The following SENP8 variants were observed in gnomAD, a reference collection of about 807,000 sequenced individuals.
SENP8 encodes the protein sentrin-specific protease 8.
A neutral mutation model predicts 14.4 loss-of-function variants in SENP8; 10 were observed. The ratio of observed to expected loss-of-function variants is 0.69; its 90% CI spans 0.43 to 1.18. SENP8 has a LOEUF of 1.18. Among genes scored for constraint, SENP8 ranks in the 50% most tolerant of loss-of-function variants. The probability of loss-of-function intolerance (pLI) is 0.00; values close to 1 mark genes in which losing one functional copy is unlikely to be tolerated. For missense variants in SENP8, 202 were observed against 249.4 expected (o/e 0.81, Z 1.28); for synonymous variants, 94 against 95.5 (o/e 0.98, Z 0.09).
rs1567073355 is a variant in SENP8 at position 72,142,101 on chromosome 15, TAA to T, written c.*1840_*1841del. On this transcript the variant is annotated 3_prime_UTR_variant, in exon 2 of 2. Coordinates refer to ENST00000340912, the MANE Select transcript of SENP8 (RefSeq NM_145204.4). The stretch of plus-strand genomic sequence containing the variant: ...ACGATTCATCTTATAAGTAAATTTA[TAA>T]GTAAATTTTTAAACTACACTAGTCT... 1 of 152,182 alleles carries T rather than the reference TAA, an allele frequency of 6.6e-6. No homozygotes were observed. The highest frequency in any genetic ancestry group is 1.5e-5 in the Non-Finnish European group (1 of 68,030). The allele number at this position is 152,182 out of a possible 1,614,324, so 9.4% of individuals were successfully genotyped here.
At chr15:72,117,956 G>A (rs1029337960), upstream of SENP8, 57 of 400,972 alleles carry the variant, frequency 1.4e-4, no homozygotes, top group African/African-American at 1.0e-3. Context: ...CTCAACCGCT[G>A]CCAGCGGCCG....
upstream of SENP8, among the ~76,000 whole-genome samples, chr15:72,116,361 T>G (rs912240971): frequency 6.6e-6 from 1 of 152,250 alleles, no homozygotes; most frequent in African/African-American, 2.4e-5. Context: ...AATTACGTAC[T>G]GATCATTTGA....
chr15:72,140,254 A>G lies in SENP8; in HGVS notation c.631A>G (p.Lys211Glu), dbSNP rs2081368762. 6.2e-7 allele frequency: 1 copy of G among 1,610,582 alleles called. No individual in the cohort carries two copies. The highest frequency in any genetic ancestry group is 1.1e-5 in the South Asian group (1 of 90,672). Residue 211 changes from lysine to glutamate, a missense_variant, in exon 2 of 2, where the codon AAA becomes GAA. Lys to Glu is a moderately conservative substitution (Grantham distance 56). Coordinates refer to ENST00000340912, the MANE Select transcript of SENP8 (RefSeq NM_145204.4). ...EWKDLITTLAKK is the reference protein window; with the variant it reads ...EWKDLITTLAEK ...GAAAGATCTCATTACCACACTTGCT[A>G]AAAAGTAGCTATTGAAGTATATTTG...
chr15:72,134,572 C>T (rs921640056), intron 1 of SENP8: 3 of 159,454 alleles, frequency 1.9e-5, no homozygotes, highest in African/African-American at 4.8e-5. Flanking sequence ...GAGCGAAACC[C>T]TGTCTTTAAT....
intron 1 of SENP8, among the ~76,000 whole-genome samples, chr15:72,133,274 C>G (rs1353143691): frequency 6.6e-6 from 1 of 152,208 alleles, no homozygotes; most frequent in Non-Finnish European, 1.5e-5. Flanking sequence ...AAGCATTGAC[C>G]TGGCCATTAA....
At chr15:72,132,650 ATTC>A (rs1369199055) in intron 1 of SENP8, among the ~76,000 whole-genome samples, 1 of 147,032 alleles carries the variant, frequency 6.8e-6, no homozygotes, top group African/African-American at 2.5e-5. Context: ...CCATTTCATA[ATTC>A]TTTTTTTTTT....
intron 1 of SENP8, among the ~76,000 whole-genome samples, chr15:72,123,556 T>G (rs1272966696): frequency 2.6e-5 from 4 of 152,014 alleles, no homozygotes; most frequent in East Asian, 1.9e-4. Flanking sequence ...TTTTTTTTTT[T>G]TGTGATGGAG....
chr15:72,119,931 C>G (rs983693850), intron 1 of SENP8, among the ~76,000 whole-genome samples: 5 of 152,214 alleles, frequency 3.3e-5, no homozygotes, highest in Non-Finnish European at 7.3e-5. Flanking sequence ...AGTTACTTGT[C>G]TCTTTGCTCT....
intron 1 of SENP8, among the ~76,000 whole-genome samples, chr15:72,119,330 A>G (rs755108563): frequency 3.3e-5 from 5 of 152,216 alleles, no homozygotes; most frequent in Admixed American, 2.0e-4. Flanking sequence ...TAGACCAATT[A>G]AATTCTGGGT....
At chr15:72,116,114 A>T (rs1368281181), upstream of SENP8, among the ~76,000 whole-genome samples, 1 of 152,248 alleles carries the variant, frequency 6.6e-6, no homozygotes, top group Non-Finnish European at 1.5e-5. Context: ...TATCACAGAA[A>T]GGATACACAT....
Position 72,142,733 on chromosome 15 carries a change from A to C in SENP8, c.*2471A>C, listed in dbSNP as rs1377719281. On this transcript the variant is annotated 3_prime_UTR_variant, in exon 2 of 2. Transcript: ENST00000340912. ...AACACAAATATTTCAACCATTTGGC[A>C]AGGTATATGTTGAAGTTCACAAGCG... The C allele has an allele frequency of 6.6e-6, 1 of 152,246 alleles. No individual in the cohort carries two copies. Among genetic ancestry groups the C allele is most frequent in the African/African-American group, 2.4e-5 (1 of 41,464 alleles). 9.4% of individuals were successfully genotyped at this position (152,246 alleles called of 1,614,324 possible).
chr15:72,140,129 G>C lies in SENP8; in HGVS notation c.506G>C (p.Cys169Ser). The C allele has an allele frequency of 1.9e-6, 3 of 1,614,154 alleles. No individual in the cohort carries two copies. Among genetic ancestry groups the C allele is most frequent in the Non-Finnish European group, 2.5e-6 (3 of 1,180,044 alleles). Residue 169 changes from cysteine to serine, a missense_variant, in exon 2 of 2, where the codon TGT becomes TCT. Physicochemically the swap from Cys to Ser is moderately radical, Grantham distance 112 (BLOSUM62 -1). Transcript: ENST00000340912. ...NSYDCGMYVI[C>S]NTEALCQNFF... Reference sequence around the variant, plus strand: ...TATGACTGTGGGATGTACGTGATATGTAACACTGAGGCCTTGTGTCAGAAC... The same window carrying C: ...TATGACTGTGGGATGTACGTGATATCTAACACTGAGGCCTTGTGTCAGAAC...
chr15:72,118,186 C>G, upstream of SENP8: 1 of 361,306 alleles, frequency 2.8e-6, no homozygotes, highest in Admixed American at 4.7e-5. Context: ...CAGCACGGGT[C>G]GGCCCCGCCC....
intron 1 of SENP8, among the ~76,000 whole-genome samples, chr15:72,138,994 CCAATAACATAGCCAATTAA>C (rs1339229435): frequency 6.7e-6 from 1 of 149,832 alleles, no homozygotes; most frequent in Non-Finnish European, 1.5e-5. Flanking sequence ...AACTTTACTA[CCAATAACATAGCCAATTAA>C]CAATAACATA....
intron 1 of SENP8, among the ~76,000 whole-genome samples, chr15:72,121,536 C>G (rs143910643): frequency 1.8e-4 from 27 of 150,722 alleles, no homozygotes; most frequent in African/African-American, 6.1e-4. Flanking sequence ...CAAGACCAGC[C>G]TGGGCAACAA....
At chr15:72,128,508 A>T (rs2081241727) in intron 1 of SENP8, among the ~76,000 whole-genome samples, 1 of 152,222 alleles carries the variant, frequency 6.6e-6, no homozygotes, top group South Asian at 2.1e-4. Flanking sequence ...TGCCTGCCAC[A>T]GTTGCAAAAG....
chr15:72,125,832 T>G (rs2081213053), intron 1 of SENP8, among the ~76,000 whole-genome samples: 1 of 151,954 alleles, frequency 6.6e-6, no homozygotes, highest in Non-Finnish European at 1.5e-5. Flanking sequence ...TTTTATTTAT[T>G]TATTTTTTTG....
rs917997914 is a variant in SENP8, at chr15:72,141,140, C to T, written c.*878C>T. 6.5e-6 allele frequency: 1 copy of T among 153,294 alleles called. No individual in the cohort carries two copies. The highest frequency in any genetic ancestry group is 2.4e-5 in the African/African-American group (1 of 41,458). 9.5% of individuals were successfully genotyped at this position (153,294 alleles called of 1,614,324 possible). A position where few individuals can be genotyped will look rare whatever the true frequency, so the allele number is the denominator to read the frequency against. On this transcript the variant is annotated 3_prime_UTR_variant, in exon 2 of 2. Coordinates refer to ENST00000340912, the MANE Select transcript of SENP8 (RefSeq NM_145204.4). ...CTGTTGTTTCAGATAAACATTTGTT[C>T]TTCCTGATAGTTATAGGTTTTCCTC...
intron 1 of SENP8, among the ~76,000 whole-genome samples, chr15:72,126,238 T>G (rs2081217869): frequency 6.6e-6 from 1 of 152,164 alleles, no homozygotes; most frequent in Admixed American, 6.5e-5. Flanking sequence ...TTAATTAAAA[T>G]TACTCAGTTC....
Sources: allele counts gnomAD v4.1 joint callset (sites outside exome capture counted in the v4.1 genomes callset), GRCh38; gene constraint gnomAD v4.1.1; transcripts MANE v1.5; gene names NCBI Gene and HGNC (gene_info 2026-07-23, HGNC 2026-07-21).